DIAPH3: variants seen among roughly 807,000 people sequenced by gnomAD.
DIAPH3 encodes the protein diaphanous related formin 3.
Under a neutral mutation model 144.3 loss-of-function variants are expected in DIAPH3, and 117 were observed. That is an observed-to-expected ratio of 0.81 (90% CI 0.70 to 0.95). DIAPH3 has a LOEUF of 0.95. Ranked by LOEUF, DIAPH3 falls within the 40% of genes least tolerant of loss-of-function variation. The pLI is 0.00. For missense variants in DIAPH3, 1,421 were observed against 1,412.7 expected (o/e 1.01, Z -0.09); for synonymous variants, 519 against 488.9 (o/e 1.06, Z -0.81).
At chr13:59,676,180 C>T (rs1478665719) in intron 27 of DIAPH3, among the ~76,000 whole-genome samples, 4 of 152,204 alleles carry the variant, frequency 2.6e-5, no homozygotes, top group African/African-American at 9.6e-5. Flanking sequence ...GGTGGAACCA[C>T]CTAGCCAATG....
At chr13:59,824,399 C>T (rs1037266247) in intron 24 of DIAPH3, among the ~76,000 whole-genome samples, 6 of 152,020 alleles carry the variant, frequency 3.9e-5, no homozygotes, top group African/African-American at 9.7e-5. Context: ...CTACAGAGAC[C>T]GGACTCAACT....
chr13:60,143,069 T>C (rs886894785), intron 1 of DIAPH3, among the ~76,000 whole-genome samples: 1 of 152,088 alleles, frequency 6.6e-6, no homozygotes, highest in Admixed American at 6.5e-5. Flanking sequence ...GCCTTTCTCT[T>C]TTAATACTTT....
At chr13:59,841,183 G>C (rs974553655) in intron 22 of DIAPH3, among the ~76,000 whole-genome samples, 1 of 151,966 alleles carries the variant, frequency 6.6e-6, no homozygotes, top group Admixed American at 6.5e-5. Flanking sequence ...TAGTCTATTT[G>C]ATCTCTCCCT....
intron 7 of DIAPH3, among the ~76,000 whole-genome samples, chr13:60,013,978 A>T (rs2053455551): frequency 6.6e-6 from 1 of 152,172 alleles, no homozygotes; most frequent in Admixed American, 6.5e-5. Flanking sequence ...TTATAGCTCC[A>T]TGTATATAAA....
chr13:60,086,149 C>A (rs529922623), intron 4 of DIAPH3, among the ~76,000 whole-genome samples: 1 of 152,098 alleles, frequency 6.6e-6, no homozygotes, highest in South Asian at 2.1e-4. Flanking sequence ...CTAATGTGAG[C>A]CTAATATAAT....
intron 27 of DIAPH3, among the ~76,000 whole-genome samples, chr13:59,736,494 G>A (rs971442766): frequency 6.6e-6 from 1 of 152,044 alleles, no homozygotes; most frequent in Non-Finnish European, 1.5e-5. Flanking sequence ...ACTGGCGTGA[G>A]GTAGTACCTC....
intron 27 of DIAPH3, among the ~76,000 whole-genome samples, chr13:59,683,544 AAAGAC>A (rs1448968528): frequency 2.0e-5 from 3 of 152,192 alleles, no homozygotes; most frequent in African/African-American, 7.2e-5. Flanking sequence ...GGACTCATTG[AAAGAC>A]AAGAGGCAGG....
chr13:60,043,149 A>G (rs1431791200), intron 4 of DIAPH3, among the ~76,000 whole-genome samples: 2 of 152,206 alleles, frequency 1.3e-5, no homozygotes, highest in Non-Finnish European at 2.9e-5. Context: ...ATAAAATTCA[A>G]AACTCAATAC....
intron 22 of DIAPH3, among the ~76,000 whole-genome samples, chr13:59,841,532 T>C (rs752702913): frequency 1.4e-4 from 21 of 152,192 alleles, no homozygotes; most frequent in Admixed American, 2.6e-4. Flanking sequence ...AGTTTGAAGC[T>C]ACAGTGACCA....
intron 5 of DIAPH3, among the ~76,000 whole-genome samples, chr13:60,037,012 C>A (rs1031725537): frequency 2.0e-4 from 2 of 9,944 alleles, no homozygotes; most frequent in Non-Finnish European, 2.1e-4. Context: ...CACCCAGACA[C>A]GTAAAAGAAA....
At chr13:59,715,044 T>C (rs2034980580) in intron 27 of DIAPH3, among the ~76,000 whole-genome samples, 1 of 152,192 alleles carries the variant, frequency 6.6e-6, no homozygotes. Flanking sequence ...TGAATTGAGA[T>C]GCTTATTATA....
intron 27 of DIAPH3, among the ~76,000 whole-genome samples, chr13:59,683,475 T>C (rs2033051915): frequency 6.6e-6 from 1 of 152,072 alleles, no homozygotes; most frequent in African/African-American, 2.4e-5. Context: ...AATGTGAAGG[T>C]AATAGACACT....
At chr13:59,791,750 T>C (rs2039337229) in intron 25 of DIAPH3, among the ~76,000 whole-genome samples, 1 of 152,138 alleles carries the variant, frequency 6.6e-6, no homozygotes, top group South Asian at 2.1e-4. Flanking sequence ...TTTCCCCAAA[T>C]TCGACGGGAG....
At position 59,918,944 on chromosome 13, in the gene DIAPH3, C is replaced by CAA. The variant is rs34985752; in HGVS notation, c.2171-2697_2171-2696dup. 3.7e-3 allele frequency among the ~76,000 whole-genome samples: 430 copies of CAA among 117,456 alleles called. 1 individual carries two copies. The highest frequency in any genetic ancestry group is 0.013 in the African/African-American group (381 of 29,890). The allele number at this position is 117,456 out of a possible 152,430, so 77.1% of individuals were successfully genotyped here. A position where few individuals can be genotyped will look rare whatever the true frequency, so the allele number is the denominator to read the frequency against. On this transcript the variant is annotated intron_variant, in intron 18 of 27. Transcript: ENST00000400324. The stretch of plus-strand genomic sequence containing the variant: ...AAGTTCAGTGAACTTCAAGAAAATA[C>CAA]AAAAAAAAAAAAAAAAAATCAGTAT...
intron 25 of DIAPH3, among the ~76,000 whole-genome samples, chr13:59,778,937 C>CT (rs1555295349): frequency 3.3e-5 from 5 of 151,956 alleles, no homozygotes; most frequent in South Asian, 4.2e-4. Context: ...TTTTAATTTT[C>CT]TTTTTTTTGC....
intron 17 of DIAPH3, among the ~76,000 whole-genome samples, chr13:59,954,400 C>A (rs570678343): frequency 6.6e-6 from 1 of 152,140 alleles, no homozygotes; most frequent in South Asian, 2.1e-4. Context: ...GCCTTATAAC[C>A]CCAATATAAT....
At chr13:59,921,953 C>A (rs2047540148) in intron 18 of DIAPH3, among the ~76,000 whole-genome samples, 1 of 151,962 alleles carries the variant, frequency 6.6e-6, no homozygotes, top group Admixed American at 6.6e-5. Flanking sequence ...GAAGACAAAA[C>A]CATATAATCA....
chr13:60,042,564 A>C, intron 5 of DIAPH3, 126 bp downstream of exon 5: 1 of 1,125,668 alleles, frequency 8.9e-7, no homozygotes, highest in Non-Finnish European at 1.3e-6. Context: ...CTGCATATAA[A>C]TATTAGGTAT....
At chr13:59,722,137 C>T (rs1410814313) in intron 27 of DIAPH3, among the ~76,000 whole-genome samples, 3 of 151,974 alleles carry the variant, frequency 2.0e-5, no homozygotes, top group Non-Finnish European at 4.4e-5. Flanking sequence ...TTCAAAGCCA[C>T]AAAAAAAGCT....
Sources: gnomAD v4.1 joint callset for allele counts (sites outside exome capture counted in the v4.1 genomes callset) on GRCh38, gnomAD v4.1.1 for gene constraint, MANE v1.5 for transcripts, NCBI Gene and HGNC (gene_info 2026-07-23, HGNC 2026-07-21) for gene names.